Variants in EIF5A2 observed in about 807,000 individuals in gnomAD.
EIF5A2 encodes eukaryotic translation initiation factor 5A2.
A neutral mutation model predicts 16.4 loss-of-function variants in EIF5A2; 15 were observed. That is an observed-to-expected ratio of 0.92 (90% CI 0.61 to 1.41). The LOEUF is 1.41. Among genes scored for constraint, EIF5A2 ranks in the 40% most tolerant of loss-of-function variants. The pLI, the probability that EIF5A2 is intolerant of heterozygous loss-of-function variation, is 0.00. For synonymous variants in EIF5A2, 48 were observed against 61.1 expected, an observed-to-expected ratio of 0.79 and a Z score of 1.00; for missense variants, 144 against 189.5, an observed-to-expected ratio of 0.76 and a Z score of 1.41.
rs1010141906 is a variant in EIF5A2 at position 170,908,563 on chromosome 3, CCTTTCGTCTGCGCACCCG to C, written c.-74_-57del. The C allele has an allele frequency of 6.5e-6, 1 of 152,806 alleles. No individual in the cohort carries two copies. The highest frequency in any genetic ancestry group is 1.5e-5 in the Non-Finnish European group (1 of 68,504). The allele number at this position is 152,806 out of a possible 1,614,324, so 9.5% of individuals were successfully genotyped here. On this transcript the variant is annotated 5_prime_UTR_variant, in exon 1 of 5. Transcript: ENST00000295822. ...TTCACCTTTCAGCTGGCAAAGAGCG[CCTTTCGTCTGCGCACCCG>C]CGCTGGTCCCCTACAGCAGCGGCGC...
At chr3:170,907,587 C>A in intron 2 of EIF5A2, 55 bp downstream of exon 2, 1 of 1,479,058 alleles carries the variant, frequency 6.8e-7, no homozygotes. Context: ...TAACGGAATA[C>A]AAATGATCAA....
At chr3:170,899,745 G>T (rs1712763633) in intron 3 of EIF5A2, among the ~76,000 whole-genome samples, 1 of 150,086 alleles carries the variant, frequency 6.7e-6, no homozygotes, top group African/African-American at 2.5e-5. Context: ...AAAAAAAAAA[G>T]CCAACAGTGT....
intron 3 of EIF5A2, among the ~76,000 whole-genome samples, chr3:170,906,002 A>G (rs1053125148): frequency 4.6e-5 from 7 of 152,240 alleles, no homozygotes; most frequent in Admixed American, 2.0e-4. Flanking sequence ...TTACTAGATT[A>G]AAACCACAAA....
chr3:170,904,097 A>C (rs1412170464), intron 3 of EIF5A2, among the ~76,000 whole-genome samples: 4 of 152,366 alleles, frequency 2.6e-5, no homozygotes, highest in African/African-American at 7.2e-5. Context: ...GGGGATTCCC[A>C]AAGGTCTATC....
chr3:170,893,343 A>G lies in EIF5A2; in HGVS notation c.*17T>C, dbSNP rs774648923. On this transcript the variant is annotated 3_prime_UTR_variant, in exon 5 of 5. Transcript: ENST00000295822. ...GTTGATTCAGACATAAACAGTGTTC[A>G]TGCCTGATGTTTCCGTTTATTTGCA... 12 of 1,613,724 alleles carry G rather than the reference A, an allele frequency of 7.4e-6. No homozygotes were observed. Among genetic ancestry groups the G allele is most frequent in the Admixed American group, 1.7e-5 (1 of 60,004 alleles).
intron 3 of EIF5A2, among the ~76,000 whole-genome samples, chr3:170,899,482 T>C (rs1356392904): frequency 2.0e-5 from 3 of 152,132 alleles, no homozygotes; most frequent in African/African-American, 7.2e-5. Flanking sequence ...CTCAAACTCC[T>C]GGGGGTTCAC....
rs1483734738 is a variant in EIF5A2, at chr3:170,889,326, T to C, written c.*4034A>G. 1 of 152,536 alleles carries C rather than the reference T, an allele frequency of 6.6e-6. No individual in the cohort carries two copies. The highest frequency in any genetic ancestry group is 1.5e-5 in the Non-Finnish European group (1 of 67,970). The allele number at this position is 152,536 out of a possible 1,614,324, so 9.4% of individuals were successfully genotyped here. ...ATATTGGCTTCAAGCCATGTTCCCA[T>C]AGAACATCTGTGTTTCATAAGCTAA... On this transcript the variant is annotated 3_prime_UTR_variant, in exon 5 of 5. Transcript: ENST00000295822.
intron 3 of EIF5A2, among the ~76,000 whole-genome samples, chr3:170,897,769 C>T (rs1576787309): frequency 6.6e-6 from 1 of 152,366 alleles, no homozygotes; most frequent in East Asian, 1.9e-4. Context: ...AGAGTCCCCA[C>T]TGGGACACTG....
At position 170,896,044 on chromosome 3, in the gene EIF5A2, T is replaced by C. The variant is rs572211384; in HGVS notation, c.271-1621A>G. Among the ~76,000 whole-genome samples, 10 of 152,248 alleles carry C rather than the reference T, an allele frequency of 6.6e-5. No homozygotes were observed. The East Asian group carries it at 1.9e-3, about 29-fold the overall frequency. ...TTCTGATTTCTGTTCTTTTAGTAAT[T>C]CCCTAAAGCACAGCTTGTCTATTTC... On this transcript the variant is annotated intron_variant, in intron 3 of 4. Coordinates refer to ENST00000295822, the MANE Select transcript of EIF5A2 (RefSeq NM_020390.6).
intron 3 of EIF5A2, among the ~76,000 whole-genome samples, chr3:170,905,714 C>G (rs1009811477): frequency 6.6e-6 from 1 of 152,110 alleles, no homozygotes; most frequent in African/African-American, 2.4e-5. Context: ...GGAAACAGAA[C>G]AGCACTTTTT....
intron 3 of EIF5A2, among the ~76,000 whole-genome samples, chr3:170,898,242 AAG>A (rs1712722206): frequency 6.6e-6 from 1 of 152,166 alleles, no homozygotes; most frequent in African/African-American, 2.4e-5. Context: ...GGAATGAGTT[AAG>A]ACTTTCAGGG....
Position 170,892,709 on chromosome 3 carries a change from TCA to T in EIF5A2, c.*649_*650del. 1 of 398,492 alleles carries T rather than the reference TCA, an allele frequency of 2.5e-6. No individual in the cohort carries two copies. Among genetic ancestry groups the T allele is most frequent in the East Asian group, 3.6e-5 (1 of 28,050 alleles). The allele number at this position is 398,492 out of a possible 1,614,324, so 24.7% of individuals were successfully genotyped here. ...TATAATCTTACTTGCTAACTAACTTTCACCCAACAGTTCAGTGCCCTTCTGCC... is the reference window on the plus strand; with the variant it reads ...TATAATCTTACTTGCTAACTAACTTTCCCAACAGTTCAGTGCCCTTCTGCC... On this transcript the variant is annotated 3_prime_UTR_variant, in exon 5 of 5. Coordinates refer to ENST00000295822, the MANE Select transcript of EIF5A2 (RefSeq NM_020390.6).
Position 170,893,259 on chromosome 3 carries a change from T to G in EIF5A2, c.*101A>C. The G allele has an allele frequency of 8.9e-7, 1 of 1,125,200 alleles. No homozygotes were observed. The highest frequency in any genetic ancestry group is 1.2e-6 in the Non-Finnish European group (1 of 807,238). 69.7% of individuals were successfully genotyped at this position (1,125,200 alleles called of 1,614,324 possible). A position where few individuals can be genotyped will look rare whatever the true frequency, so the allele number is the denominator to read the frequency against. On this transcript the variant is annotated 3_prime_UTR_variant, in exon 5 of 5. Coordinates refer to ENST00000295822, the MANE Select transcript of EIF5A2 (RefSeq NM_020390.6). ...ATCTGAAAACAATTAAAAAAAGAAA[T>G]GAGGTTGCTTATGAAGGCTATAGCT...
intron 3 of EIF5A2, among the ~76,000 whole-genome samples, chr3:170,903,796 T>G (rs1244276298): frequency 6.6e-6 from 1 of 152,216 alleles, no homozygotes; most frequent in African/African-American, 2.4e-5. Context: ...TGAATTCAAT[T>G]AACATATCTA....
chr3:170,903,206 C>A (rs1576789378), intron 3 of EIF5A2, among the ~76,000 whole-genome samples: 1 of 152,168 alleles, frequency 6.6e-6, no homozygotes, highest in South Asian at 2.1e-4. Flanking sequence ...CTGCTAAAAT[C>A]TCATCTCAAT....
At position 170,891,334 on chromosome 3, in the gene EIF5A2, C is replaced by CCTACT. The variant is rs1712529406; in HGVS notation, c.*2025_*2026insAGTAG. On this transcript the variant is annotated 3_prime_UTR_variant, in exon 5 of 5. Coordinates refer to ENST00000295822, the MANE Select transcript of EIF5A2 (RefSeq NM_020390.6). ...ATGTAGTAGGTACTTAAATAGAATACTGGAAAGAATGTAGCCTAATTTTAA... is the reference window on the plus strand; with the variant it reads ...ATGTAGTAGGTACTTAAATAGAATACCTACTTGGAAAGAATGTAGCCTAATTTTAA... 4.6e-5 allele frequency: 7 copies of CCTACT among 152,562 alleles called. No individual in the cohort carries two copies. Among genetic ancestry groups the CCTACT allele is most frequent in the Non-Finnish European group, 2.9e-5 (2 of 68,018 alleles). 9.5% of individuals were successfully genotyped at this position (152,562 alleles called of 1,614,324 possible).
At position 170,906,954 on chromosome 3, in the gene EIF5A2, AAAC is replaced by A. The variant is rs1479496854; in HGVS notation, c.270+32_270+34del. The stretch of plus-strand genomic sequence containing the variant: ...AGTACAAAGTATTTGCACCTTGAAG[AAAC>A]AAGCAACATTCTAAAGAAAATCAGT... On this transcript the variant is annotated intron_variant, in intron 3 of 4. Transcript: ENST00000295822. 3 of 1,448,130 alleles carry A rather than the reference AAAC, an allele frequency of 2.1e-6. No homozygotes were observed. The Admixed American group carries it at 5.3e-5, about 26-fold the overall frequency. The allele number at this position is 1,448,130 out of a possible 1,614,324, so 89.7% of individuals were successfully genotyped here.
Position 170,907,662 on chromosome 3 carries a change from C to A in EIF5A2, c.145G>T (p.Gly49Ter). 1 of 1,604,012 alleles carries A rather than the reference C, an allele frequency of 6.2e-7. No homozygotes were observed. The highest frequency in any genetic ancestry group is 8.5e-7 in the Non-Finnish European group (1 of 1,172,132). ...KIVEMSTSKT[G>*]KHGHAKVHLV... ...CTTACCTTGGCATGACCATGCTTTC[C>A]AGTTTTGGAAGTTGACATCTCCACT... The change falls in exon 2 of 5, where the codon GGA becomes TGA. Residue 49 changes from glycine to a stop codon, truncating the protein, a stop_gained. Transcript: ENST00000295822. LOFTEE classifies it high-confidence loss of function.
chr3:170,894,068 A>G (rs913900785), intron 4 of EIF5A2, among the ~76,000 whole-genome samples: 7 of 152,050 alleles, frequency 4.6e-5, no homozygotes, highest in African/African-American at 1.7e-4. Context: ...GCTTCAAAAC[A>G]AATTTGGGTT....
Sources: allele counts gnomAD v4.1 joint callset (sites outside exome capture counted in the v4.1 genomes callset), GRCh38; gene constraint gnomAD v4.1.1; transcripts MANE v1.5; gene names NCBI Gene and HGNC (gene_info 2026-07-23, HGNC 2026-07-21).